ITSN1: variants seen among roughly 807,000 people sequenced by gnomAD.
ITSN1 encodes the protein intersectin-1.
A neutral mutation model predicts 239.8 loss-of-function variants in ITSN1; 58 were observed. The ratio of observed to expected loss-of-function variants is 0.24; its 90% CI spans 0.20 to 0.30. The LOEUF (loss-of-function observed/expected upper bound fraction) is 0.30, where lower values mean the gene tolerates loss of function less well. Among genes scored for constraint, ITSN1 ranks in the 10% least tolerant of loss-of-function variants. The pLI is 1.00. For synonymous variants in ITSN1, 780 were observed against 770.8 expected, an observed-to-expected ratio of 1.01 and a Z score of -0.20; for missense variants, 1,558 against 2,103.3, an observed-to-expected ratio of 0.74 and a Z score of 5.07.
chr21:33,877,257 T>G (rs1382282205), intron 34 of ITSN1, among the ~76,000 whole-genome samples: 1 of 152,024 alleles, frequency 6.6e-6, no homozygotes, highest in East Asian at 1.9e-4. Flanking sequence ...TTTCACCATG[T>G]TGACCAGTCT....
chr21:33,815,239 G>A (rs1468857813), intron 22 of ITSN1, among the ~76,000 whole-genome samples: 1 of 152,162 alleles, frequency 6.6e-6, no homozygotes, highest in African/African-American at 2.4e-5. Flanking sequence ...GGAATACAGG[G>A]AGAAAATAGC....
intron 1 of ITSN1, among the ~76,000 whole-genome samples, chr21:33,711,490 G>A (rs1202438721): frequency 6.6e-6 from 1 of 151,098 alleles, no homozygotes; most frequent in East Asian, 1.9e-4. Context: ...GTAATTATCG[G>A]TTGTTGGAAT....
rs1243186928 is a variant in ITSN1 at position 33,790,900 on chromosome 21, TTAA to T, written c.1825-3437_1825-3435del. ...TCTGAAGGAGTTAAAAGGATACTTC[TTAA>T]TAACTGTAACTGTACTTGAGTCTCT... On this transcript the variant is annotated intron_variant, in intron 16 of 39. Coordinates refer to ENST00000381318, the MANE Select transcript of ITSN1 (RefSeq NM_003024.3). Among the ~76,000 whole-genome samples, 3 of 152,202 alleles carry T rather than the reference TTAA, an allele frequency of 2.0e-5. No individual in the cohort carries two copies. In the East Asian group the frequency reaches 5.8e-4, roughly 29 times the overall value.
chr21:33,724,535 T>C (rs769175637), intron 4 of ITSN1, among the ~76,000 whole-genome samples: 25 of 152,266 alleles, frequency 1.6e-4, no homozygotes, highest in Non-Finnish European at 2.9e-4. Context: ...TGGAACCTTC[T>C]TCCGCAGACT....
At chr21:33,756,533 A>AT (rs2067931594) in intron 8 of ITSN1, among the ~76,000 whole-genome samples, 1 of 152,046 alleles carries the variant, frequency 6.6e-6, no homozygotes, top group African/African-American at 2.4e-5. Flanking sequence ...TAAAATTGCA[A>AT]TTTTTACTCC....
At position 33,890,711 on chromosome 21, in the gene ITSN1, C is replaced by G. The variant is rs1245827893; in HGVS notation, c.*2411C>G. On this transcript the variant is annotated 3_prime_UTR_variant, in exon 40 of 40. Coordinates refer to ENST00000381318, the MANE Select transcript of ITSN1 (RefSeq NM_003024.3). Reference sequence around the variant, plus strand: ...TCTCAAACCATTGGGCCTCTCTGTTCCTTCACCTCTACCTTCTTGACCACC... The same window carrying G: ...TCTCAAACCATTGGGCCTCTCTGTTGCTTCACCTCTACCTTCTTGACCACC... 6.6e-6 allele frequency: 1 copy of G among 152,114 alleles called. No homozygotes were observed. Among genetic ancestry groups the G allele is most frequent in the African/African-American group, 2.4e-5 (1 of 41,416 alleles). 9.4% of individuals were successfully genotyped at this position (152,114 alleles called of 1,614,324 possible).
Position 33,886,467 on chromosome 21 carries a change from G to A in ITSN1, c.5017+7G>A. On this transcript the variant is annotated splice_region_variant and intron_variant, in intron 39 of 39. Transcript: ENST00000381318. ...GACCAGTTCTCACCAGATGGTGAGT[G>A]GAACGCGGCCCTGTGGTTATTCCTC... The A allele has an allele frequency of 1.3e-6, 2 of 1,550,388 alleles. No individual in the cohort carries two copies. The highest frequency in any genetic ancestry group is 1.7e-6 in the Non-Finnish European group (2 of 1,146,614).
At chr21:33,647,389 T>TGG (rs2088064571) in intron 1 of ITSN1, among the ~76,000 whole-genome samples, 1 of 152,224 alleles carries the variant, frequency 6.6e-6, no homozygotes, top group African/African-American at 2.4e-5. Context: ...CCTGCTTTTT[T>TGG]TTTGCTTAAC....
chr21:33,647,212 G>T (rs905904097), intron 1 of ITSN1, among the ~76,000 whole-genome samples: 1 of 152,038 alleles, frequency 6.6e-6, no homozygotes, highest in African/African-American at 2.4e-5. Context: ...TTGTTTTATG[G>T]TAGAAAAATT....
At chr21:33,703,258 C>T (rs1429821887) in intron 1 of ITSN1, among the ~76,000 whole-genome samples, 1 of 151,554 alleles carries the variant, frequency 6.6e-6, no homozygotes, top group Non-Finnish European at 1.5e-5. Context: ...TATTAGAGGC[C>T]TTCTACTTAT....
intron 2 of ITSN1, among the ~76,000 whole-genome samples, chr21:33,719,186 A>G (rs1432932959): frequency 1.3e-5 from 2 of 152,210 alleles, no homozygotes; most frequent in African/African-American, 4.8e-5. Flanking sequence ...CACGCCTGTA[A>G]TCCCAGCACT....
chr21:33,677,545 G>T (rs903095140), intron 1 of ITSN1, among the ~76,000 whole-genome samples: 3 of 151,910 alleles, frequency 2.0e-5, no homozygotes, highest in African/African-American at 4.8e-5. Context: ...TCGCCCTGTT[G>T]GCCAGGCTGG....
intron 16 of ITSN1, among the ~76,000 whole-genome samples, chr21:33,789,973 C>T (rs1008074886): frequency 6.6e-5 from 10 of 152,154 alleles, no homozygotes; most frequent in African/African-American, 2.4e-4. Flanking sequence ...ACTTTTCCCT[C>T]TTTGGTCTAG....
intron 27 of ITSN1, among the ~76,000 whole-genome samples, chr21:33,833,264 C>T (rs1467050529): frequency 6.6e-6 from 1 of 152,154 alleles, no homozygotes; most frequent in Admixed American, 6.5e-5. Context: ...TGTGTTGAAT[C>T]AGATTGAATT....
chr21:33,685,398 T>C (rs1667313782), intron 1 of ITSN1, among the ~76,000 whole-genome samples: 1 of 152,234 alleles, frequency 6.6e-6, no homozygotes, highest in South Asian at 2.1e-4. Context: ...TGGTGCCTTA[T>C]CTAAATAGTA....
intron 20 of ITSN1, among the ~76,000 whole-genome samples, chr21:33,809,001 G>A (rs2072690451): frequency 6.6e-6 from 1 of 152,184 alleles, no homozygotes; most frequent in African/African-American, 2.4e-5. Flanking sequence ...AAGTTATAAT[G>A]TGTCACCATA....
chr21:33,695,666 T>C (rs1372424221), intron 1 of ITSN1, among the ~76,000 whole-genome samples: 2 of 152,222 alleles, frequency 1.3e-5, no homozygotes, highest in Non-Finnish European at 2.9e-5. Context: ...TTTTATATTA[T>C]GGGTAGAAGG....
At position 33,661,634 on chromosome 21, in the gene ITSN1, C is replaced by G. The variant is rs149164790; in HGVS notation, c.-33+18921C>G. ...GGTTTGGCTGTGTCCCCACCCAAAT[C>G]TCATCTTGAAATGTAGCTCCCATAA... is the stretch of plus-strand genomic sequence containing the variant. On this transcript the variant is annotated intron_variant, in intron 1 of 39. Coordinates refer to ENST00000381318, the MANE Select transcript of ITSN1 (RefSeq NM_003024.3). Among the ~76,000 whole-genome samples, 12 of 152,258 alleles carry G rather than the reference C, an allele frequency of 7.9e-5. No homozygotes were observed. In the East Asian group the frequency reaches 2.3e-3, roughly 29 times the overall value.
At chr21:33,826,667 T>C in intron 25 of ITSN1, 151 bp from the exon 26 acceptor site, 1 of 638,814 alleles carries the variant, frequency 1.6e-6, no homozygotes, top group South Asian at 1.9e-5. Context: ...TCCTGATCTA[T>C]ATCCTTGTGT....
Sources: allele counts gnomAD v4.1 joint callset (sites outside exome capture counted in the v4.1 genomes callset), GRCh38; gene constraint gnomAD v4.1.1; transcripts MANE v1.5; gene names NCBI Gene and HGNC (gene_info 2026-07-23, HGNC 2026-07-21).